IKBKG: variants seen among roughly 807,000 people sequenced by gnomAD.
IKBKG encodes inhibitor of nuclear factor kappa B kinase regulatory subunit gamma, also known as NF-kappa-B essential modulator.
Under a neutral mutation model 13.7 loss-of-function variants are expected in IKBKG, and 2 were observed. That is an observed-to-expected ratio of 0.15 (90% confidence interval 0.06 to 0.46). The LOEUF is 0.46. IKBKG is among the 20% of genes least tolerant of loss of function. The pLI is 0.98. For synonymous variants in IKBKG, 22 were observed against 64.4 expected (o/e 0.34, Z 3.15); for missense variants, 53 against 150.3 (o/e 0.35, Z 3.39).
exon 2 of IKBKG, chrX:154,542,302 A>G: frequency 8.5e-7 from 1 of 1,174,582 alleles, no homozygotes; most frequent in Non-Finnish European, 1.1e-6. Context: ...TAAGGCCCAG[A>G]GAAGTGAGGA....
upstream of IKBKG, chrX:154,545,839 A>T: frequency 4.3e-6 from 1 of 232,339 alleles, no homozygotes; most frequent in Non-Finnish European, 7.3e-6. Flanking sequence ...CCGTCTCCAA[A>T]AAAAAAAAAA....
upstream of IKBKG, chrX:154,547,541 C>T: frequency 1.3e-6 from 1 of 754,935 alleles, no homozygotes; most frequent in Non-Finnish European, 1.6e-6. Context: ...CTACCGCGGC[C>T]TCACACTTCT....
intron 1 of IKBKG, among the ~76,000 whole-genome samples, chrX:154,551,713 A>G (rs1334805179): frequency 9.0e-6 from 1 of 110,779 alleles, no homozygotes; most frequent in Non-Finnish European, 1.9e-5. Context: ...ATCTCCCTCC[A>G]CAAACAGTCT....
At chrX:154,543,225 A>G (rs1202827940), upstream of IKBKG, among the ~76,000 whole-genome samples, 7 of 112,333 alleles carry the variant, frequency 6.2e-5, no homozygotes, top group Admixed American at 1.9e-4. Flanking sequence ...GGCACTTCCT[A>G]TTTCTGCTTT....
intron 1 of IKBKG, chrX:154,542,175 A>G: frequency 1.7e-6 from 1 of 577,225 alleles, no homozygotes; most frequent in Admixed American, 3.6e-5. Flanking sequence ...CAGCCCAGAA[A>G]TGTTCTGAGG....
chrX:154,545,978 C>G, upstream of IKBKG: 4 of 1,198,200 alleles, frequency 3.3e-6, no homozygotes, highest in Non-Finnish European at 4.5e-6. Context: ...GTTGGAAAAG[C>G]TGAGGCATGG....
intron 1 of IKBKG, among the ~76,000 whole-genome samples, chrX:154,551,524 C>T (rs1557235016): frequency 9.0e-6 from 1 of 111,729 alleles, no homozygotes; most frequent in East Asian, 2.8e-4. Flanking sequence ...ATGATCTCAT[C>T]TTGAGATCCT....
upstream of IKBKG, chrX:154,546,795 T>C: frequency 8.6e-7 from 1 of 1,160,787 alleles, no homozygotes; most frequent in Non-Finnish European, 1.1e-6. Context: ...TTACCTGCGC[T>C]TCGTCGTCGT....
chrX:154,547,781 G>C (rs2070792295), intron 1 of IKBKG, 36 bp downstream of exon 1: 1 of 753,936 alleles, frequency 1.3e-6, no homozygotes, highest in African/African-American at 2.3e-5. Context: ...GGTTCCATCC[G>C]TGGGCGTTCC....
chrX:154,546,768 G>A (rs1346811843), upstream of IKBKG: 3 of 1,139,613 alleles, frequency 2.6e-6, no homozygotes, highest in Non-Finnish European at 3.5e-6. Flanking sequence ...CCGCCTGCGC[G>A]GCGCCCGCCC....
intron 1 of IKBKG, among the ~76,000 whole-genome samples, chrX:154,541,734 T>C (rs1286997541): frequency 8.9e-6 from 1 of 112,471 alleles, no homozygotes; most frequent in Non-Finnish European, 1.9e-5. Context: ...ACAAGGTGAC[T>C]TAGTAGAAGC....
upstream of IKBKG, chrX:154,546,932 C>A (rs1406543391): frequency 1.9e-6 from 1 of 518,029 alleles, no homozygotes; most frequent in Non-Finnish European, 2.7e-6. Context: ...GCGAGGCGTG[C>A]GGGGCGGGGC....
At chrX:154,543,869 A>AT (rs1306269568), upstream of IKBKG, among the ~76,000 whole-genome samples, 1,500 of 83,632 alleles carry the variant, frequency 0.018, 13 homozygotes, top group African/African-American at 0.031. Context: ...AATTTTTGTT[A>AT]TTTTTTTTTT....
At chrX:154,556,099 TG>T in intron 2 of IKBKG, 65 bp from the exon 3 acceptor site, 1 of 707,563 alleles carries the variant, frequency 1.4e-6, no homozygotes, top group Non-Finnish European at 2.1e-6. Context: ...CAGGCCCATG[TG>T]GGCCCAGGCA....
chrX:154,547,566 GT>G (rs1286423228), upstream of IKBKG: 1 of 754,103 alleles, frequency 1.3e-6, no homozygotes, highest in Non-Finnish European at 1.6e-6. Flanking sequence ...GGCTTCCCGA[GT>G]TCTCGGGGGC....
chrX:154,546,994 G>C (rs1360852860), upstream of IKBKG: 1 of 240,892 alleles, frequency 4.2e-6, no homozygotes, highest in Non-Finnish European at 6.9e-6. Context: ...AGGTGCGCGC[G>C]CATCCCAGGC....
At chrX:154,544,533 G>A (rs61309512), upstream of IKBKG, among the ~76,000 whole-genome samples, 1,997 of 112,319 alleles carry the variant, frequency 0.018, 42 homozygotes, top group African/African-American at 0.062. Flanking sequence ...GACCTCAGGC[G>A]ATCCACCTGC....
upstream of IKBKG, chrX:154,546,236 G>T: frequency 8.6e-7 from 1 of 1,162,488 alleles, no homozygotes. Context: ...TTTCTTGAGA[G>T]TTCCTCTGGG....
chrX:154,551,705 C>T (rs1488891704), intron 1 of IKBKG, among the ~76,000 whole-genome samples: 3 of 111,271 alleles, frequency 2.7e-5, no homozygotes, highest in African/African-American at 9.8e-5. Flanking sequence ...ATACTGACAT[C>T]TCCCTCCACA....
Sources: allele counts gnomAD v4.1 joint callset (sites outside exome capture counted in the v4.1 genomes callset), GRCh38; gene constraint gnomAD v4.1.1; transcripts MANE v1.5; gene names NCBI Gene and HGNC (gene_info 2026-07-23, HGNC 2026-07-21).